The following PODXL variants were observed in gnomAD, a reference collection of about 807,000 sequenced individuals.
The protein encoded by PODXL is podocalyxin.
In PODXL, 20 loss-of-function variants were observed where a neutral mutation model predicts 48.9. That is an observed-to-expected ratio of 0.41 (90% CI 0.29 to 0.59). The LOEUF (loss-of-function observed/expected upper bound fraction) is 0.59. Among genes scored for constraint, PODXL ranks in the 20% least tolerant of loss-of-function variants. The probability of loss-of-function intolerance (pLI) is 0.31; values close to 1 mark genes in which losing one functional copy is unlikely to be tolerated. For synonymous variants in PODXL, 295 were observed against 287.4 expected (o/e 1.03, Z -0.27); for missense variants, 606 against 675.1 (o/e 0.90, Z 1.13).
At chr7:131,543,109 CT>C (rs1237359238) in intron 1 of PODXL, among the ~76,000 whole-genome samples, 1 of 152,112 alleles carries the variant, frequency 6.6e-6, no homozygotes, top group Non-Finnish European at 1.5e-5. Context: ...CAGTTTTCTA[CT>C]TTTTAAACTT....
chr7:131,524,772 CTA>C (rs1251791247), intron 1 of PODXL, among the ~76,000 whole-genome samples: 2 of 151,926 alleles, frequency 1.3e-5, no homozygotes, highest in Non-Finnish European at 2.9e-5. Context: ...AAATGAAAAC[CTA>C]TAGTCACATA....
intron 1 of PODXL, among the ~76,000 whole-genome samples, chr7:131,512,447 A>G (rs1395535245): frequency 6.6e-6 from 1 of 152,148 alleles, no homozygotes; most frequent in Non-Finnish European, 1.5e-5. Flanking sequence ...TGGTTAAGCT[A>G]AGCCCTGAAG....
intron 1 of PODXL, among the ~76,000 whole-genome samples, chr7:131,516,882 A>G (rs1439334695): frequency 6.6e-6 from 1 of 151,850 alleles, no homozygotes; most frequent in Non-Finnish European, 1.5e-5. Context: ...GGTGTGCACT[A>G]CGACACCTGA....
rs1797947190 is a variant in PODXL, at chr7:131,513,410, T to A, written c.101-1977A>T. On this transcript the variant is annotated intron_variant, in intron 1 of 8. Coordinates refer to ENST00000378555, the MANE Select transcript of PODXL (RefSeq NM_001018111.3). Reference sequence around the variant, plus strand: ...TTCTGTCTGGAGCAGAAGGGAGTGGTGGGAAGGGGGCTGATGGCTGCATCC... The same window carrying A: ...TTCTGTCTGGAGCAGAAGGGAGTGGAGGGAAGGGGGCTGATGGCTGCATCC... Among the ~76,000 whole-genome samples, 4 of 152,280 alleles carry A rather than the reference T, an allele frequency of 2.6e-5. No individual in the cohort carries two copies. In the South Asian group the frequency reaches 8.3e-4, roughly 32 times the overall value.
chr7:131,524,379 C>CACACACAGAGAG (rs746255906), intron 1 of PODXL, among the ~76,000 whole-genome samples: 6 of 104,108 alleles, frequency 5.8e-5, no homozygotes, highest in African/African-American at 1.7e-4. Context: ...CACACACACA[C>CACACACAGAGAG]AGAGAGAGAG....
chr7:131,506,741 G>A lies in PODXL; in HGVS notation c.1102-15C>T, dbSNP rs1045831427. 30 of 1,613,766 alleles carry A rather than the reference G, an allele frequency of 1.9e-5. No homozygotes were observed. The highest frequency in any genetic ancestry group is 2.4e-5 in the Non-Finnish European group (28 of 1,179,932). On this transcript the variant is annotated splice_polypyrimidine_tract_variant and intron_variant, in intron 5 of 8. Coordinates refer to ENST00000378555, the MANE Select transcript of PODXL (RefSeq NM_001018111.3). Reference sequence around the variant, plus strand: ...GCGCCCCCTGCCTATGGTGGGGAGAGCGCAGGTGACTCCGCGGGGAGCGTG... The same window carrying A: ...GCGCCCCCTGCCTATGGTGGGGAGAACGCAGGTGACTCCGCGGGGAGCGTG...
chr7:131,506,355 G>T, intron 6 of PODXL, 34 bp from the exon 7 acceptor site: 1 of 1,610,338 alleles, frequency 6.2e-7, no homozygotes, highest in Non-Finnish European at 8.5e-7. Flanking sequence ...CAATGGCCCA[G>T]CCCAGAGCGA....
rs896130996 is a variant in PODXL at position 131,504,140 on chromosome 7, T to C, written c.*171A>G. On this transcript the variant is annotated 3_prime_UTR_variant, in exon 9 of 9. Coordinates refer to ENST00000378555, the MANE Select transcript of PODXL (RefSeq NM_001018111.3). ...TTTTACAAGAGGAATCTGGACAGAA[T>C]GTGATTTGTTCAGGTTGAAAAGGGA... 1 of 606,128 alleles carries C rather than the reference T, an allele frequency of 1.6e-6. No homozygotes were observed. Among genetic ancestry groups the C allele is most frequent in the Admixed American group, 2.9e-5 (1 of 34,274 alleles). 37.5% of individuals were successfully genotyped at this position (606,128 alleles called of 1,614,324 possible).
At position 131,501,700 on chromosome 7, in the gene PODXL, G is replaced by C. The variant is rs1255797504; in HGVS notation, c.*2611C>G. 6.6e-6 allele frequency: 1 copy of C among 152,196 alleles called. No homozygotes were observed. Among genetic ancestry groups the C allele is most frequent in the Non-Finnish European group, 1.5e-5 (1 of 68,032 alleles). The allele number at this position is 152,196 out of a possible 1,614,324, so 9.4% of individuals were successfully genotyped here. On this transcript the variant is annotated 3_prime_UTR_variant, in exon 9 of 9. Coordinates refer to ENST00000378555, the MANE Select transcript of PODXL (RefSeq NM_001018111.3). ...ACTGTCTTTGCTACAACCTGTTTAA[G>C]TCATGCTGAGCTTCTAGTGTTCCTC...
chr7:131,550,636 AG>A (rs902583731), intron 1 of PODXL, among the ~76,000 whole-genome samples: 34 of 150,088 alleles, frequency 2.3e-4, no homozygotes, highest in Non-Finnish European at 2.7e-4. Flanking sequence ...ATTCCATCTC[AG>A]AACAAAAAGA....
At chr7:131,508,644 A>G (rs1460015005) in intron 5 of PODXL, among the ~76,000 whole-genome samples, 1 of 141,004 alleles carries the variant, frequency 7.1e-6, no homozygotes. Context: ...AACAGGAACT[A>G]GGATCAGGGT....
chr7:131,543,703 G>C (rs961047900), intron 1 of PODXL, among the ~76,000 whole-genome samples: 16 of 152,108 alleles, frequency 1.1e-4, no homozygotes, highest in African/African-American at 3.9e-4. Flanking sequence ...GTTGGACAGG[G>C]GAAAGGGAGG....
chr7:131,545,943 G>C (rs1459038376), intron 1 of PODXL, among the ~76,000 whole-genome samples: 1 of 152,212 alleles, frequency 6.6e-6, no homozygotes, highest in Non-Finnish European at 1.5e-5. Flanking sequence ...TTACCATGTG[G>C]GTAAACTGAG....
intron 1 of PODXL, among the ~76,000 whole-genome samples, chr7:131,533,130 G>A (rs1255692452): frequency 6.6e-6 from 1 of 152,176 alleles, no homozygotes; most frequent in African/African-American, 2.4e-5. Context: ...GGTCCCCAAC[G>A]TGCGCCCCTT....
At chr7:131,553,983 T>A (rs1798705980) in intron 1 of PODXL, among the ~76,000 whole-genome samples, 2 of 152,200 alleles carry the variant, frequency 1.3e-5, no homozygotes, top group African/African-American at 4.8e-5. Context: ...GGCTGCATAA[T>A]CTGCCCATAT....
At chr7:131,532,528 T>G (rs3957503) in intron 1 of PODXL, among the ~76,000 whole-genome samples, 137,207 of 149,724 alleles carry the variant, frequency 0.92, 63,105 homozygotes, top group East Asian at 1. Flanking sequence ...GGAGGGGGGG[T>G]ACATTTTTGG....
chr7:131,554,358 C>CTT (rs1279387946), intron 1 of PODXL, among the ~76,000 whole-genome samples: 1 of 152,200 alleles, frequency 6.6e-6, no homozygotes, highest in Admixed American at 6.5e-5. Context: ...GCACTTTGCA[C>CTT]TTTTCTAAGT....
intron 1 of PODXL, among the ~76,000 whole-genome samples, chr7:131,548,210 C>T (rs1211565846): frequency 1.3e-5 from 2 of 152,242 alleles, no homozygotes; most frequent in African/African-American, 4.8e-5. Context: ...AGAGGCGAAG[C>T]TGATCTGACC....
intron 1 of PODXL, among the ~76,000 whole-genome samples, chr7:131,528,804 T>C (rs1299291753): frequency 1.3e-5 from 2 of 152,144 alleles, no homozygotes; most frequent in Non-Finnish European, 2.9e-5. Context: ...TTTGGGGATA[T>C]CTTTGTAACG....
Sources: gnomAD v4.1 joint callset for allele counts (sites outside exome capture counted in the v4.1 genomes callset) on GRCh38, gnomAD v4.1.1 for gene constraint, MANE v1.5 for transcripts, NCBI Gene and HGNC (gene_info 2026-07-23, HGNC 2026-07-21) for gene names.